G3BP1: variants seen among roughly 807,000 people sequenced by gnomAD.
The protein encoded by G3BP1 is G3BP stress granule assembly factor 1.
A neutral mutation model predicts 58.6 loss-of-function variants in G3BP1; 35 were observed. The observed-to-expected ratio is 0.60, with a 90% CI of 0.46 to 0.79. The LOEUF is 0.79. Ranked by LOEUF, G3BP1 falls within the 30% of genes least tolerant of loss-of-function variation. The probability of loss-of-function intolerance (pLI) is 0.00; values close to 1 mark genes in which losing one functional copy is unlikely to be tolerated. For synonymous variants in G3BP1, 191 were observed against 195.4 expected (o/e 0.98, Z 0.19); for missense variants, 523 against 580.8 (o/e 0.90, Z 1.02).
Position 151,808,526 on chromosome 5 carries a change from A to G in G3BP1, c.*4435A>G, listed in dbSNP as rs1762969518. ...GATTCGTCTTCTCTCCACAGTTTCT[A>G]CTTGAACCTAGTAGCTTATTTTAAT... On this transcript the variant is annotated 3_prime_UTR_variant, in exon 12 of 12. Coordinates refer to ENST00000356245, the MANE Select transcript of G3BP1 (RefSeq NM_005754.3). 6.6e-6 allele frequency: 1 copy of G among 152,186 alleles called. No homozygotes were observed. Among genetic ancestry groups the G allele is most frequent in the African/African-American group, 2.4e-5 (1 of 41,434 alleles). 9.4% of individuals were successfully genotyped at this position (152,186 alleles called of 1,614,324 possible).
In G3BP1 at chr5:151,797,303, C is replaced by A. The variant is rs373631485; in HGVS notation, c.616C>A (p.Pro206Thr). ...TCCTGAACCAGAACCAGAACAAGAA[C>A]CTGTATCTGAAATCCAAGAGGAAAA... ...PDPEPEPEQE[P>T]VSEIQEEKPE... The change falls in exon 7 of 12, where the codon CCT becomes ACT. Residue 206 changes from proline (P) to threonine (T), a missense_variant. Physicochemically the swap from Pro to Thr is conservative, Grantham distance 38. Transcript: ENST00000356245. 13 of 1,613,252 alleles carry A rather than the reference C, an allele frequency of 8.1e-6. No homozygotes were observed. In the African/African-American group the frequency reaches 1.5e-4, roughly 18 times the overall value.
intron 1 of G3BP1, among the ~76,000 whole-genome samples, chr5:151,783,952 G>C (rs930835697): frequency 6.6e-6 from 1 of 151,720 alleles, no homozygotes; most frequent in Non-Finnish European, 1.5e-5. Context: ...TAGTAGAAAT[G>C]GGGCTTCACC....
chr5:151,790,695 A>G (rs1207008091), intron 3 of G3BP1, among the ~76,000 whole-genome samples, 194 bp from the exon 4 acceptor site: 1 of 152,226 alleles, frequency 6.6e-6, no homozygotes, highest in Non-Finnish European at 1.5e-5. Context: ...AATTCAGGAC[A>G]GTTATTTAAA....
intron 1 of G3BP1, among the ~76,000 whole-genome samples, chr5:151,783,015 G>A (rs914631383): frequency 1.3e-5 from 2 of 151,840 alleles, no homozygotes; most frequent in Non-Finnish European, 2.9e-5. Context: ...ACGCCACCAT[G>A]CTTGGCTAAT....
intron 2 of G3BP1, chr5:151,787,109 T>A (rs1175145227): frequency 6.5e-6 from 1 of 153,756 alleles, no homozygotes; most frequent in African/African-American, 2.4e-5. Flanking sequence ...TTGATCCGCC[T>A]TGGCCTCCCA....
In G3BP1 at chr5:151,800,879, T is replaced by G; in HGVS notation, c.1194+10T>G. On this transcript the variant is annotated intron_variant, in intron 11 of 11. Transcript: ENST00000356245. ...AGTCCTTAGCAACAGGGTAAGCAGC[T>G]TTTTGTCTTGATTTTTTTTTTTTTT... 5.1e-6 allele frequency: 7 copies of G among 1,371,154 alleles called. No homozygotes were observed. The highest frequency in any genetic ancestry group is 7.2e-6 in the Non-Finnish European group (7 of 973,848). The allele number at this position is 1,371,154 out of a possible 1,614,324, so 84.9% of individuals were successfully genotyped here.
intron 1 of G3BP1, among the ~76,000 whole-genome samples, chr5:151,773,605 T>C (rs1233529810): frequency 6.6e-6 from 1 of 152,226 alleles, no homozygotes; most frequent in African/African-American, 2.4e-5. Flanking sequence ...TTCTATGTTA[T>C]AGAAACACTT....
intron 1 of G3BP1, among the ~76,000 whole-genome samples, chr5:151,773,388 T>A (rs1375554571): frequency 6.6e-6 from 1 of 152,288 alleles, no homozygotes; most frequent in East Asian, 1.9e-4. Context: ...GTTGGAGATG[T>A]GTTGGAAAAA....
Position 151,810,281 on chromosome 5 carries a change from T to G in G3BP1, c.*6190T>G, listed in dbSNP as rs1419095018. On this transcript the variant is annotated 3_prime_UTR_variant, in exon 12 of 12. Transcript: ENST00000356245. ...AAGTGCCTTCTGTCTTCCCCGAAGG[T>G]CCACTGAGATCTACAATCCCCCCTT... is the stretch of plus-strand genomic sequence containing the variant. 6.7e-6 allele frequency: 1 copy of G among 148,768 alleles called. No homozygotes were observed. The highest frequency in any genetic ancestry group is 1.5e-5 in the Non-Finnish European group (1 of 66,744). 9.2% of individuals were successfully genotyped at this position (148,768 alleles called of 1,614,324 possible). A position where few individuals can be genotyped will look rare whatever the true frequency, so the allele number is the denominator to read the frequency against.
Position 151,806,354 on chromosome 5 carries a change from T to A in G3BP1, c.*2263T>A, listed in dbSNP as rs1762938638. 6.6e-6 allele frequency: 1 copy of A among 152,220 alleles called. No homozygotes were observed. The highest frequency in any genetic ancestry group is 2.1e-4 in the South Asian group (1 of 4,836). The allele number at this position is 152,220 out of a possible 1,614,324, so 9.4% of individuals were successfully genotyped here. A position where few individuals can be genotyped will look rare whatever the true frequency, so the allele number is the denominator to read the frequency against. ...GTACCAAATGTATGTGTGTGTTGTG[T>A]ATGTTGGTGTAAATGTGGAGAGGTG... On this transcript the variant is annotated 3_prime_UTR_variant, in exon 12 of 12. Coordinates refer to ENST00000356245, the MANE Select transcript of G3BP1 (RefSeq NM_005754.3).
Position 151,808,037 on chromosome 5 carries a change from A to C in G3BP1, c.*3946A>C, listed in dbSNP as rs1400045503. 4.6e-5 allele frequency: 7 copies of C among 152,242 alleles called. No homozygotes were observed. Among genetic ancestry groups the C allele is most frequent in the African/African-American group, 1.4e-4 (6 of 41,466 alleles). 9.4% of individuals were successfully genotyped at this position (152,242 alleles called of 1,614,324 possible). ...AATATCAGGTTTTAGCTAACTGCCT[A>C]ATGTACCAAAAAAAAATTAGCAATG... On this transcript the variant is annotated 3_prime_UTR_variant, in exon 12 of 12. Transcript: ENST00000356245.
rs1407590740 is a variant in G3BP1, at chr5:151,809,291, A to G, written c.*5200A>G. On this transcript the variant is annotated 3_prime_UTR_variant, in exon 12 of 12. Coordinates refer to ENST00000356245, the MANE Select transcript of G3BP1 (RefSeq NM_005754.3). ...ATTTTGTTATGAAGATTGGATGTAC[A>G]CTGATTTGGCCCTTTAAATGACATT... 1 of 152,200 alleles carries G rather than the reference A, an allele frequency of 6.6e-6. No homozygotes were observed. The highest frequency in any genetic ancestry group is 6.5e-5 in the Admixed American group (1 of 15,280). 9.4% of individuals were successfully genotyped at this position (152,200 alleles called of 1,614,324 possible). A position where few individuals can be genotyped will look rare whatever the true frequency, so the allele number is the denominator to read the frequency against.
At chr5:151,774,452 T>TG (rs1179909694) in intron 1 of G3BP1, among the ~76,000 whole-genome samples, 2 of 152,064 alleles carry the variant, frequency 1.3e-5, no homozygotes, top group Non-Finnish European at 2.9e-5. Context: ...TTAGGACTGA[T>TG]GGGGCTAGTG....
rs189821663 is a variant in G3BP1 at position 151,775,272 on chromosome 5, C to T, written c.-50+3236C>T. 1.6e-3 allele frequency among the ~76,000 whole-genome samples: 250 copies of T among 152,358 alleles called. 1 individual carries two copies. Among genetic ancestry groups the T allele is most frequent in the African/African-American group, 5.7e-3 (238 of 41,580 alleles). On this transcript the variant is annotated intron_variant, in intron 1 of 11. Coordinates refer to ENST00000356245, the MANE Select transcript of G3BP1 (RefSeq NM_005754.3). Reference sequence around the variant, plus strand: ...AATTTGGCTTCCTGGATGGTATACACATCTACTTAGTAGGGATGTAATCTT... The same window carrying T: ...AATTTGGCTTCCTGGATGGTATACATATCTACTTAGTAGGGATGTAATCTT...
Position 151,791,011 on chromosome 5 carries a change from C to T in G3BP1, c.300C>T (p.Asn100=). 2 of 1,613,764 alleles carry T rather than the reference C, an allele frequency of 1.2e-6. No homozygotes were observed. Among genetic ancestry groups the T allele is most frequent in the Non-Finnish European group, 1.7e-6 (2 of 1,179,798 alleles). ...TCCAGGTGATGGGGCTTCTCTCTAA[C>T]AACAACCAGGCTTTGAGGAGATTCA... The part of the protein sequence containing the change: ...VVVQVMGLLS[N]NNQALRRFMQ... Residue 100 remains asparagine (N), a synonymous_variant, in exon 4 of 12, where the codon AAC becomes AAT. Coordinates refer to ENST00000356245, the MANE Select transcript of G3BP1 (RefSeq NM_005754.3).
chr5:151,772,327 G>C (rs1411783550), intron 1 of G3BP1: 1 of 152,006 alleles, frequency 6.6e-6, no homozygotes, highest in African/African-American at 2.4e-5. Context: ...CTGGGCCCCA[G>C]GGCGGTCTCT....
intron 7 of G3BP1, among the ~76,000 whole-genome samples, chr5:151,798,781 A>G (rs1762797634): frequency 6.6e-6 from 1 of 152,170 alleles, no homozygotes; most frequent in African/African-American, 2.4e-5. Flanking sequence ...CCTGGTCAAT[A>G]TAGTGAGACT....
intron 11 of G3BP1, among the ~76,000 whole-genome samples, chr5:151,802,468 C>A (rs1368791625): frequency 6.6e-6 from 1 of 152,178 alleles, no homozygotes. Context: ...GTGTAGCTTA[C>A]CGTTTCAAAG....
In G3BP1 at chr5:151,797,255, C is replaced by G. The variant is rs1462036823; in HGVS notation, c.568C>G (p.Pro190Ala). The change falls in exon 7 of 12, where the codon CCT becomes GCT. Residue 190 changes from proline to alanine, a missense_variant. Pro to Ala is a conservative substitution (Grantham distance 27). Around this residue, in one of 2 missense-constraint regions of G3BP1, gnomAD observed 398 missense variants for 399.1 expected, o/e 1.00. Coordinates refer to ENST00000356245, the MANE Select transcript of G3BP1 (RefSeq NM_005754.3). ...SNDMEEHLEE[P>A]VAEPEPDPEP... is the part of the protein sequence containing the mutation. ...TGACATGGAAGAACATTTAGAGGAG[C>G]CTGTTGCTGAACCAGAGCCTGATCC... 1 of 1,612,708 alleles carries G rather than the reference C, an allele frequency of 6.2e-7. No individual in the cohort carries two copies. Among genetic ancestry groups the G allele is most frequent in the Non-Finnish European group, 8.5e-7 (1 of 1,178,884 alleles).
Sources: allele counts gnomAD v4.1 joint callset (sites outside exome capture counted in the v4.1 genomes callset), GRCh38; gene constraint gnomAD v4.1.1; regional missense constraint gnomAD v4.1.1; transcripts MANE v1.5; gene names NCBI Gene and HGNC (gene_info 2026-07-23, HGNC 2026-07-21).